The following ZXDC variants were observed in gnomAD, a reference collection of about 807,000 sequenced individuals.
ZXDC encodes the protein zinc finger protein ZXDC.
A neutral mutation model predicts 63.6 loss-of-function variants in ZXDC; 58 were observed. The ratio of observed to expected loss-of-function variants is 0.91; its 90% CI spans 0.74 to 1.13. The LOEUF (loss-of-function observed/expected upper bound fraction) is 1.13. Among genes scored for constraint, ZXDC ranks in the 50% most tolerant of loss-of-function variants. The pLI is 0.00. For synonymous variants in ZXDC, 561 were observed against 496.1 expected (o/e 1.13, Z -1.74); for missense variants, 1,133 against 1,148.9 (o/e 0.99, Z 0.20).
At chr3:126,451,659 A>G in intron 7 of ZXDC, 1 of 985,382 alleles carries the variant, frequency 1.0e-6, no homozygotes, top group Non-Finnish European at 1.2e-6. Context: ...CCTCAGTCAG[A>G]TCTACCAATG....
chr3:126,441,069 T>A (rs944086168), intron 8 of ZXDC: 1 of 985,308 alleles, frequency 1.0e-6, no homozygotes, highest in Non-Finnish European at 1.2e-6. Flanking sequence ...ATATCTCTTC[T>A]CTCCCCAAAT....
In ZXDC at chr3:126,474,972, C is replaced by T. The variant is rs771104863; in HGVS notation, c.894G>A (p.Lys298=). 1 of 1,582,960 alleles carries T rather than the reference C, an allele frequency of 6.3e-7. No homozygotes were observed. Among genetic ancestry groups the T allele is most frequent in the Non-Finnish European group, 8.6e-7 (1 of 1,165,006 alleles). Residue 298 remains lysine (K), a synonymous_variant, in exon 1 of 10, where the codon AAG becomes AAA. Transcript: ENST00000389709. ...RSHFEPERPY[K]CDFPGCEKTF... ...GAGCGCGGTTACCGGGAAAGTCACA[C>T]TTGTAAGGGCGCTCGGGCTCGAAGT...
At chr3:126,458,905 C>T in intron 7 of ZXDC, 6 of 985,172 alleles carry the variant, frequency 6.1e-6, no homozygotes, top group Non-Finnish European at 7.2e-6. Context: ...AACTGATTAA[C>T]AGAAAACCGG....
At chr3:126,439,876 A>T in intron 8 of ZXDC, 149 bp from the exon 9 acceptor site, 2 of 1,436,842 alleles carry the variant, frequency 1.4e-6, no homozygotes, top group South Asian at 3.0e-5. Context: ...ACCCAGCAGG[A>T]ATTGTTTATG....
chr3:126,467,172 G>A (rs77282302), intron 4 of ZXDC, among the ~76,000 whole-genome samples: 6 of 152,136 alleles, frequency 3.9e-5, no homozygotes, highest in South Asian at 2.1e-4. Flanking sequence ...TGCAGCCCTC[G>A]AGGTGACTGG....
chr3:126,475,641 G>C lies in ZXDC; in HGVS notation c.225C>G (p.Phe75Leu). 1 of 1,469,590 alleles carries C rather than the reference G, an allele frequency of 6.8e-7. No homozygotes were observed. The highest frequency in any genetic ancestry group is 9.0e-7 in the Non-Finnish European group (1 of 1,108,914). The allele number at this position is 1,469,590 out of a possible 1,614,324, so 91.0% of individuals were successfully genotyped here. The change falls in exon 1 of 10, where the codon TTC becomes TTG. Residue 75 changes from phenylalanine to leucine, a missense_variant. Coordinates refer to ENST00000389709, the MANE Select transcript of ZXDC (RefSeq NM_025112.5). Reference sequence around the variant, plus strand: ...CGTGCGGCACTTCCAGCAGCACCAAGAAAGAGTCGCCGTCGCTGTCGTCCT... The same window carrying C: ...CGTGCGGCACTTCCAGCAGCACCAACAAAGAGTCGCCGTCGCTGTCGTCCT... ...PAEDDSDGDS[F>L]LVLLEVPHGG... is the part of the protein sequence containing the mutation.
At chr3:126,448,976 G>C (rs1933990014) in intron 7 of ZXDC, among the ~76,000 whole-genome samples, 1 of 152,192 alleles carries the variant, frequency 6.6e-6, no homozygotes, top group African/African-American at 2.4e-5. Flanking sequence ...GACGGGACGG[G>C]GCAGCACGCA....
intron 7 of ZXDC, among the ~76,000 whole-genome samples, chr3:126,457,837 C>A: frequency 6.6e-6 from 1 of 152,150 alleles, no homozygotes; most frequent in East Asian, 1.9e-4. Context: ...CCCACTCCCA[C>A]CTGCAGCGGA....
intron 1 of ZXDC, among the ~76,000 whole-genome samples, chr3:126,473,384 G>GCTT (rs1935048858): frequency 6.6e-6 from 1 of 152,154 alleles, no homozygotes; most frequent in South Asian, 2.1e-4. Context: ...CTTTGATGAT[G>GCTT]CTTCCCTGGT....
At chr3:126,452,044 C>T (rs1428242507) in intron 7 of ZXDC, 14 of 984,838 alleles carry the variant, frequency 1.4e-5, no homozygotes, top group Admixed American at 6.2e-5. Flanking sequence ...TTTTTTTTTC[C>T]CTAAAAGGCC....
chr3:126,438,552 G>T, intron 9 of ZXDC, 91 bp from the exon 10 acceptor site: 1 of 1,140,398 alleles, frequency 8.8e-7, no homozygotes, highest in Non-Finnish European at 1.3e-6. Context: ...GACCAGGCCC[G>T]TGGTGAGATA....
At chr3:126,462,241 C>G in intron 5 of ZXDC, 21 bp from the exon 6 acceptor site, 1 of 1,568,214 alleles carries the variant, frequency 6.4e-7, no homozygotes, top group Non-Finnish European at 8.6e-7. Flanking sequence ...AAGGAATACA[C>G]TCTGGTTACT....
intron 5 of ZXDC, 111 bp downstream of exon 5, chr3:126,466,044 A>G: frequency 7.5e-7 from 1 of 1,332,106 alleles, no homozygotes; most frequent in Non-Finnish European, 1.0e-6. Context: ...CACGCCCACA[A>G]CCCCACTGCC....
chr3:126,475,540 T>A lies in ZXDC; in HGVS notation c.326A>T (p.Glu109Val). The A allele has an allele frequency of 7.4e-7, 1 of 1,342,314 alleles. No individual in the cohort carries two copies. Among genetic ancestry groups the A allele is most frequent in the African/African-American group, 1.5e-5 (1 of 65,672 alleles). The allele number at this position is 1,342,314 out of a possible 1,614,324, so 83.2% of individuals were successfully genotyped here. Residue 109 changes from glutamate to valine, a missense_variant, in exon 1 of 10, where the codon GAG becomes GTG. Glu to Val is a moderately radical substitution (Grantham distance 121, BLOSUM62 -2). Coordinates refer to ENST00000389709, the MANE Select transcript of ZXDC (RefSeq NM_025112.5). ...GSRVNLASRP[E>V]QGPSGPAAPP... ...GGCGGCCGGGCCGCTGGGGCCCTGC[T>A]CGGGGCGGCTCGCCAGGTTGACACG...
intron 7 of ZXDC, among the ~76,000 whole-genome samples, chr3:126,444,360 G>A (rs1160133809): frequency 2.0e-5 from 3 of 152,030 alleles, no homozygotes; most frequent in Admixed American, 6.6e-5. Flanking sequence ...GTGAAACCTC[G>A]TCTCTACTAA....
rs984646797 is a variant in ZXDC at position 126,441,253 on chromosome 3, C to A, written c.2394+512G>T. On this transcript the variant is annotated intron_variant, in intron 8 of 9. Transcript: ENST00000389709. Reference sequence around the variant, plus strand: ...GGGGCCTGGGCCTGCCCTGGAGGGGCTCTGTTTCGTAGGAAAGAAAATAGA... The same window carrying A: ...GGGGCCTGGGCCTGCCCTGGAGGGGATCTGTTTCGTAGGAAAGAAAATAGA... The A allele has an allele frequency of 9.1e-6, 9 of 986,086 alleles. No individual in the cohort carries two copies. The South Asian group carries it at 4.2e-4, about 46-fold the overall frequency. The allele number at this position is 986,086 out of a possible 1,614,324, so 61.1% of individuals were successfully genotyped here.
chr3:126,467,871 G>C (rs981760483), intron 4 of ZXDC, among the ~76,000 whole-genome samples: 1 of 152,168 alleles, frequency 6.6e-6, no homozygotes, highest in Non-Finnish European at 1.5e-5. Flanking sequence ...CTTCTTGATG[G>C]CAGGGCCACG....
In ZXDC at chr3:126,475,533, G is replaced by A. The variant is rs768045297; in HGVS notation, c.333C>T (p.Gly111=). The change falls in exon 1 of 10, where the codon GGC becomes GGT. Residue 111 remains glycine, a synonymous_variant. Transcript: ENST00000389709. Reference sequence around the variant, plus strand: ...CGGGGGGGGCGGCCGGGCCGCTGGGGCCCTGCTCGGGGCGGCTCGCCAGGT... The same window carrying A: ...CGGGGGGGGCGGCCGGGCCGCTGGGACCCTGCTCGGGGCGGCTCGCCAGGT... ...RVNLASRPEQ[G]PSGPAAPPGP... is the part of the protein sequence containing the mutation. 22 of 1,305,966 alleles carry A rather than the reference G, an allele frequency of 1.7e-5. No individual in the cohort carries two copies. The South Asian group carries it at 1.9e-4, about 11-fold the overall frequency. 80.9% of individuals were successfully genotyped at this position (1,305,966 alleles called of 1,614,324 possible).
intron 6 of ZXDC, chr3:126,460,698 C>G (rs1340378193): frequency 1.0e-6 from 1 of 985,256 alleles, no homozygotes. Context: ...AAGCAAGACA[C>G]CAGAAATGCA....
Sources: allele counts gnomAD v4.1 joint callset (sites outside exome capture counted in the v4.1 genomes callset), GRCh38; gene constraint gnomAD v4.1.1; transcripts MANE v1.5; gene names NCBI Gene and HGNC (gene_info 2026-07-23, HGNC 2026-07-21).